The following TCF12 variants were observed in gnomAD, a reference collection of about 807,000 sequenced individuals.
TCF12 encodes the protein DNA-binding protein HTF4.
Under a neutral mutation model 86.0 loss-of-function variants are expected in TCF12, and 45 were observed. The observed-to-expected ratio is 0.52, with a 90% confidence interval of 0.41 to 0.67. TCF12 has a LOEUF of 0.67. Among genes scored for constraint, TCF12 ranks in the 30% least tolerant of loss-of-function variants. The pLI, the probability that TCF12 is intolerant of heterozygous loss-of-function variation, is 0.00. For missense variants in TCF12, 881 were observed against 859.9 expected, an observed-to-expected ratio of 1.02 and a Z score of -0.31; for synonymous variants, 330 against 299.6, an observed-to-expected ratio of 1.10 and a Z score of -1.05.
rs979753935 is a variant in TCF12, at chr15:57,288,429, A to G, written c.*2284A>G. ...TTTCAACCAGCAGCAAGAAGTTCAA[A>G]TTTTTTTCTGTCACTGTAACAGAAA... On this transcript the variant is annotated 3_prime_UTR_variant, in exon 21 of 21. Coordinates refer to ENST00000333725, the MANE Select transcript of TCF12 (RefSeq NM_207037.2). 2 of 152,562 alleles carry G rather than the reference A, an allele frequency of 1.3e-5. No homozygotes were observed. The highest frequency in any genetic ancestry group is 4.8e-5 in the African/African-American group (2 of 41,424). 9.5% of individuals were successfully genotyped at this position (152,562 alleles called of 1,614,324 possible).
At chr15:56,953,422 G>T (rs1284836046) in intron 3 of TCF12, among the ~76,000 whole-genome samples, 2 of 151,796 alleles carry the variant, frequency 1.3e-5, no homozygotes, top group Non-Finnish European at 2.9e-5. Context: ...AGGAGTTTTA[G>T]TTTTCTGGAA....
intron 3 of TCF12, among the ~76,000 whole-genome samples, chr15:56,963,498 C>G (rs1449706734): frequency 2.0e-5 from 3 of 152,076 alleles, no homozygotes; most frequent in African/African-American, 7.2e-5. Context: ...TGGGGACATT[C>G]TTAACTAAAG....
intron 7 of TCF12, 147 bp from the exon 8 acceptor site, chr15:57,197,626 T>C: frequency 1.4e-6 from 1 of 724,978 alleles, no homozygotes; most frequent in Non-Finnish European, 2.2e-6. Context: ...TTAAAAGGAA[T>C]GAAGCCCTCA....
chr15:57,183,862 A>T (rs2056506478), intron 6 of TCF12, among the ~76,000 whole-genome samples: 1 of 152,150 alleles, frequency 6.6e-6, no homozygotes, highest in Non-Finnish European at 1.5e-5. Context: ...GACTCGGGAT[A>T]CCTAACTCCA....
Position 56,919,817 on chromosome 15 carries a change from C to A in TCF12, c.-22-75C>A, listed in dbSNP as rs1185433897. The A allele has an allele frequency of 1.3e-5, 18 of 1,354,212 alleles. No homozygotes were observed. In the Admixed American group the frequency reaches 2.7e-4, roughly 20 times the overall value. The allele number at this position is 1,354,212 out of a possible 1,614,324, so 83.9% of individuals were successfully genotyped here. A position where few individuals can be genotyped will look rare whatever the true frequency, so the allele number is the denominator to read the frequency against. On this transcript the variant is annotated intron_variant, in intron 1 of 20. Transcript: ENST00000333725. The stretch of plus-strand genomic sequence containing the variant: ...CCCCAGCGCTCTTGCGTAATCTTCC[C>A]CAGTACCTCTCTCTGTTCCCTCACA...
chr15:56,971,244 C>T (rs906339843), intron 3 of TCF12, among the ~76,000 whole-genome samples: 11 of 150,848 alleles, frequency 7.3e-5, no homozygotes, highest in African/African-American at 2.7e-4. Context: ...GCCAACATCG[C>T]GCAACTCCAT....
chr15:56,989,939 C>T (rs540726993), intron 3 of TCF12, among the ~76,000 whole-genome samples: 2 of 152,018 alleles, frequency 1.3e-5, no homozygotes, highest in Middle Eastern at 3.4e-3. Flanking sequence ...ACTTCAGAGA[C>T]GGACTTAAAC....
At chr15:56,977,068 A>G (rs1887231907) in intron 3 of TCF12, among the ~76,000 whole-genome samples, 1 of 152,200 alleles carries the variant, frequency 6.6e-6, no homozygotes, top group Non-Finnish European at 1.5e-5. Context: ...AGAAGGTTAT[A>G]TTGAGCAGTT....
intron 3 of TCF12, among the ~76,000 whole-genome samples, chr15:56,990,867 TC>T (rs2140963936): frequency 6.6e-6 from 1 of 151,900 alleles, no homozygotes; most frequent in African/African-American, 2.4e-5. Flanking sequence ...TAATCATGGC[TC>T]ACTGGAGCCT....
chr15:57,278,584 T>C (rs983805651), intron 19 of TCF12: 3 of 207,886 alleles, frequency 1.4e-5, no homozygotes, highest in Admixed American at 1.3e-4. Flanking sequence ...AGATGGGTAA[T>C]GTGCTGAGGT....
chr15:57,278,771 ACCTCTCTCTCCCTC>A (rs1344612312), intron 19 of TCF12: 1 of 63,212 alleles, frequency 1.6e-5, no homozygotes, highest in Non-Finnish European at 3.0e-5. Flanking sequence ...CTCTCTCCCT[ACCTCTCTCTCCCTC>A]CCTCTCTCTC....
intron 13 of TCF12, chr15:57,251,044 A>T (rs2152007175): frequency 4.1e-6 from 1 of 244,392 alleles, no homozygotes; most frequent in South Asian, 8.3e-5. Context: ...TGTGTACGTT[A>T]TAAGTGCATT....
At chr15:56,953,488 A>T (rs213145) in intron 3 of TCF12, among the ~76,000 whole-genome samples, 1 of 152,000 alleles carries the variant, frequency 6.6e-6, no homozygotes, top group Non-Finnish European at 1.5e-5. Flanking sequence ...GATTATAATT[A>T]GTATTATTTT....
At chr15:57,114,067 T>G (rs1334706598) in intron 5 of TCF12, among the ~76,000 whole-genome samples, 5 of 152,206 alleles carry the variant, frequency 3.3e-5, no homozygotes, top group Non-Finnish European at 7.3e-5. Flanking sequence ...AGTGAGTGGC[T>G]TCAATTTTGA....
chr15:57,029,923 T>C (rs1170439191), intron 3 of TCF12, among the ~76,000 whole-genome samples: 1 of 152,240 alleles, frequency 6.6e-6, no homozygotes, highest in Non-Finnish European at 1.5e-5. Flanking sequence ...TCTTTTCTTT[T>C]ATTGCTGAGT....
At chr15:57,012,210 CATTT>C (rs2064874403) in intron 3 of TCF12, among the ~76,000 whole-genome samples, 2 of 152,076 alleles carry the variant, frequency 1.3e-5, no homozygotes, top group Admixed American at 1.3e-4. Context: ...AATAATCTAA[CATTT>C]AATATACTAC....
intron 5 of TCF12, among the ~76,000 whole-genome samples, chr15:57,106,512 A>G (rs1401242044): frequency 1.3e-5 from 2 of 152,238 alleles, no homozygotes; most frequent in East Asian, 3.8e-4. Flanking sequence ...CCTTCTGGGA[A>G]GAGAACTCCC....
chr15:56,919,387 C>G (rs1227995451), intron 1 of TCF12: 1 of 152,350 alleles, frequency 6.6e-6, no homozygotes, highest in African/African-American at 2.4e-5. Flanking sequence ...CCGGGGACGT[C>G]CGGGCGGCGG....
chr15:56,933,249 G>T (rs1389247586), intron 3 of TCF12, among the ~76,000 whole-genome samples: 1 of 152,136 alleles, frequency 6.6e-6, no homozygotes, highest in African/African-American at 2.4e-5. Context: ...ACATACAGAA[G>T]ATACTTTAAT....
Sources: allele counts gnomAD v4.1 joint callset (sites outside exome capture counted in the v4.1 genomes callset), GRCh38; gene constraint gnomAD v4.1.1; transcripts MANE v1.5; gene names NCBI Gene and HGNC (gene_info 2026-07-23, HGNC 2026-07-21).